The following CHIA variants were observed in gnomAD, a reference collection of about 807,000 sequenced individuals.
CHIA encodes the protein acidic mammalian chitinase.
CHIA carries 47 observed loss-of-function variants against 53.5 expected under a neutral mutation model. The ratio of observed to expected loss-of-function variants is 0.88; its 90% confidence interval spans 0.70 to 1.12. CHIA has a LOEUF of 1.12. Ranked by LOEUF, CHIA falls within the 50% of genes most tolerant of loss-of-function variation. The pLI is 0.00. For missense variants in CHIA, 652 were observed against 592.2 expected (o/e 1.10, Z -1.05); for synonymous variants, 268 against 222.2 (o/e 1.21, Z -1.83).
At chr1:111,296,017 C>T (rs1372732769) in intron 1 of CHIA, among the ~76,000 whole-genome samples, 3 of 152,216 alleles carry the variant, frequency 2.0e-5, no homozygotes, top group Non-Finnish European at 4.4e-5. Context: ...GAGGGGCATC[C>T]ACCATTGCTG....
intron 1 of CHIA, among the ~76,000 whole-genome samples, chr1:111,293,092 T>A (rs1571256432): frequency 1.3e-5 from 2 of 152,136 alleles, no homozygotes; most frequent in Admixed American, 1.3e-4. Flanking sequence ...TTATTTTGGG[T>A]ATACCTAGAA....
At chr1:111,292,392 G>A (rs1473144553) in intron 1 of CHIA, among the ~76,000 whole-genome samples, 4 of 152,156 alleles carry the variant, frequency 2.6e-5, no homozygotes, top group African/African-American at 9.7e-5. Flanking sequence ...CTGATATTCT[G>A]TTCTGTCATA....
intron 3 of CHIA, 102 bp from the exon 4 acceptor site, chr1:111,312,088 C>T (rs1443743703): frequency 1.8e-5 from 15 of 853,712 alleles, no homozygotes; most frequent in Non-Finnish European, 1.8e-5. Flanking sequence ...AGAGATCAGG[C>T]ATCTGAGGCA....
intron 1 of CHIA, among the ~76,000 whole-genome samples, chr1:111,293,211 C>T (rs1254898383): frequency 6.6e-6 from 1 of 152,272 alleles, no homozygotes; most frequent in South Asian, 2.1e-4. Context: ...CAGGGCACAA[C>T]TGCTCCAATT....
intron 11 of CHIA, 95 bp downstream of exon 11, chr1:111,319,563 G>A: frequency 1.6e-6 from 2 of 1,226,432 alleles, no homozygotes; most frequent in Non-Finnish European, 2.3e-6. Flanking sequence ...CTTGCCCAGG[G>A]ATCCTCTTTC....
chr1:111,298,274 AAATCAAC>A (rs1262269703), intron 1 of CHIA, among the ~76,000 whole-genome samples: 1 of 152,202 alleles, frequency 6.6e-6, no homozygotes, highest in Non-Finnish European at 1.5e-5. Context: ...TCTCCACCCC[AAATCAAC>A]AGAATATACA....
chr1:111,310,342 G>T (rs529483808), intron 1 of CHIA, 58 bp from the exon 2 acceptor site: 49 of 1,535,358 alleles, frequency 3.2e-5, no homozygotes, highest in Middle Eastern at 3.5e-4. Flanking sequence ...AGAAGAGAAG[G>T]TCCGTTGATT....
intron 1 of CHIA, among the ~76,000 whole-genome samples, chr1:111,309,977 A>C (rs1052657121): frequency 6.6e-6 from 1 of 152,226 alleles, no homozygotes; most frequent in Non-Finnish European, 1.5e-5. Context: ...GCACCTAAAG[A>C]AGGAAGATTT....
chr1:111,312,082 A>G (rs1313757180), intron 3 of CHIA, 108 bp from the exon 4 acceptor site: 6 of 826,300 alleles, frequency 7.3e-6, no homozygotes, highest in Non-Finnish European at 1.2e-5. Context: ...CCACACAGAG[A>G]TCAGGCATCT....
At chr1:111,303,507 A>G (rs1647932342) in intron 1 of CHIA, among the ~76,000 whole-genome samples, 1 of 151,922 alleles carries the variant, frequency 6.6e-6, no homozygotes, top group East Asian at 1.9e-4. Context: ...ATACACACAC[A>G]TATATAGCTA....
intron 1 of CHIA, among the ~76,000 whole-genome samples, chr1:111,301,323 A>T (rs2101616237): frequency 6.6e-6 from 1 of 152,336 alleles, no homozygotes; most frequent in South Asian, 2.1e-4. Flanking sequence ...AAGACTTGGA[A>T]TCAACCCAAA....
chr1:111,314,926 G>A, intron 5 of CHIA: 1 of 381,786 alleles, frequency 2.6e-6, no homozygotes, highest in South Asian at 4.7e-5. Context: ...CTTCTGGTGG[G>A]GGGAGGAATG....
intron 5 of CHIA, 86 bp from the exon 6 acceptor site, chr1:111,315,184 T>C (rs1449152414): frequency 1.0e-5 from 10 of 977,760 alleles, no homozygotes; most frequent in Non-Finnish European, 1.3e-5. Flanking sequence ...GATGAAGGGC[T>C]CTGAGGCAGG....
chr1:111,299,431 A>C (rs1449962104), intron 1 of CHIA, among the ~76,000 whole-genome samples: 1 of 152,236 alleles, frequency 6.6e-6, no homozygotes, highest in Non-Finnish European at 1.5e-5. Flanking sequence ...AGGCTGGTTA[A>C]ACATATGCAA....
At chr1:111,318,472 A>T (rs777004047) in intron 8 of CHIA, 21 bp from the exon 9 acceptor site, 3 of 1,605,348 alleles carry the variant, frequency 1.9e-6, no homozygotes, top group Non-Finnish European at 2.6e-6. Context: ...GGGCCATGTA[A>T]CTAACCCACT....
At chr1:111,293,069 A>T (rs1324842374) in intron 1 of CHIA, among the ~76,000 whole-genome samples, 1 of 152,142 alleles carries the variant, frequency 6.6e-6, no homozygotes, top group Non-Finnish European at 1.5e-5. Flanking sequence ...TTTCTTTGAC[A>T]CCAAGCTTTA....
intron 1 of CHIA, among the ~76,000 whole-genome samples, chr1:111,298,021 A>G (rs1647345260): frequency 6.6e-6 from 1 of 152,108 alleles, no homozygotes; most frequent in Admixed American, 6.5e-5. Context: ...TGGTAAAGGG[A>G]TCAATTCAAC....
At chr1:111,291,479 G>T (rs570571990) in intron 1 of CHIA, among the ~76,000 whole-genome samples, 1 of 151,746 alleles carries the variant, frequency 6.6e-6, no homozygotes, top group Non-Finnish European at 1.5e-5. Context: ...CATGGACACC[G>T]GGAAGGGAAC....
chr1:111,291,212 G>A lies in CHIA; in HGVS notation c.-69+262G>A, dbSNP rs554251992. Among the ~76,000 whole-genome samples the A allele has an allele frequency of 8.5e-4, 129 of 152,166 alleles. 2 individuals are homozygous for A. The highest frequency in any genetic ancestry group is 2.6e-3 in the African/African-American group (108 of 41,520). On this transcript the variant is annotated intron_variant, in intron 1 of 11. Transcript: ENST00000369740. ...TTCTACTATAAAGACACATGCACAC[G>A]TATGGTTATTGCAGCACTATTTACA...
Sources: gnomAD v4.1 joint callset for allele counts (sites outside exome capture counted in the v4.1 genomes callset) on GRCh38, gnomAD v4.1.1 for gene constraint, MANE v1.5 for transcripts, NCBI Gene and HGNC (gene_info 2026-07-23, HGNC 2026-07-21) for gene names.